CACNA1D: variants seen among roughly 807,000 people sequenced by gnomAD.
The protein encoded by CACNA1D is voltage-dependent L-type calcium channel subunit alpha-1D.
CACNA1D carries 55 observed loss-of-function variants against 257.1 expected under a neutral mutation model. That is an observed-to-expected ratio of 0.21 (90% CI 0.17 to 0.27). The LOEUF (loss-of-function observed/expected upper bound fraction) is 0.27. Among genes scored for constraint, CACNA1D ranks in the 10% least tolerant of loss-of-function variants. CACNA1D has a pLI of 1.00. For synonymous variants in CACNA1D, 980 were observed against 1,014.9 expected, an observed-to-expected ratio of 0.97 and a Z score of 0.65; for missense variants, 1,876 against 2,784.0, an observed-to-expected ratio of 0.67 and a Z score of 7.34.
chr3:53,657,564 T>G (rs2094160378), intron 4 of CACNA1D, among the ~76,000 whole-genome samples: 1 of 152,154 alleles, frequency 6.6e-6, no homozygotes, highest in Admixed American at 6.5e-5. Flanking sequence ...ATAAAGTGAT[T>G]TAAAATGCAA....
chr3:53,706,029 G>T (rs548250976), intron 9 of CACNA1D, among the ~76,000 whole-genome samples: 1 of 152,202 alleles, frequency 6.6e-6, no homozygotes. Flanking sequence ...CCAGTGTTAC[G>T]GTGTCTGCAT....
chr3:53,813,582 C>G lies in CACNA1D; in HGVS notation c.*2176C>G, dbSNP rs1254089056. 6.6e-6 allele frequency: 1 copy of G among 152,198 alleles called. No homozygotes were observed. Among genetic ancestry groups the G allele is most frequent in the Non-Finnish European group, 1.5e-5 (1 of 68,050 alleles). The allele number at this position is 152,198 out of a possible 1,614,324, so 9.4% of individuals were successfully genotyped here. A position where few individuals can be genotyped will look rare whatever the true frequency, so the allele number is the denominator to read the frequency against. On this transcript the variant is annotated 3_prime_UTR_variant, in exon 48 of 48. Transcript: ENST00000350061. Reference sequence around the variant, plus strand: ...TCACATCAGGCCAAAATTGCCAGACCAGGACCCTAAGTGTCTGATAGAGGC... The same window carrying G: ...TCACATCAGGCCAAAATTGCCAGACGAGGACCCTAAGTGTCTGATAGAGGC...
At chr3:53,686,217 A>G (rs560697762) in intron 8 of CACNA1D, among the ~76,000 whole-genome samples, 16 of 152,188 alleles carry the variant, frequency 1.1e-4, no homozygotes, top group African/African-American at 3.8e-4. Flanking sequence ...CGCAAACAGA[A>G]TCTTCTCTCA....
intron 7 of CACNA1D, among the ~76,000 whole-genome samples, chr3:53,670,707 G>A (rs2108395726): frequency 6.6e-6 from 1 of 152,314 alleles, no homozygotes; most frequent in East Asian, 1.9e-4. Flanking sequence ...CTGGGCACCA[G>A]ATGACACCCC....
At chr3:53,666,560 A>G in intron 7 of CACNA1D, 25 bp downstream of exon 7, 1 of 1,587,724 alleles carries the variant, frequency 6.3e-7, no homozygotes, top group African/African-American at 1.3e-5. Flanking sequence ...GAGAGAGTTT[A>G]TGGAGTGTTC....
chr3:53,723,657 C>T lies in CACNA1D; in HGVS notation c.1890C>T (p.Thr630=), dbSNP rs1037828618. The T allele has an allele frequency of 1.2e-6, 2 of 1,613,420 alleles. No individual in the cohort carries two copies. The highest frequency in any genetic ancestry group is 1.7e-5 in the Admixed American group (1 of 59,972). ...CVRLLRIFKV[T]RHWTSLSNLV... ...GCCTCTTAAGAATCTTCAAAGTGAC[C>T]AGGTAAGGAAATGTGGGTCCCACTG... The change falls in exon 13 of 48, where the codon ACC becomes ACT. Residue 630 remains threonine (T), a splice_region_variant and synonymous_variant. Coordinates refer to ENST00000350061, the MANE Select transcript of CACNA1D (RefSeq NM_001128840.3). The surrounding 1 kb of genome is among the most constrained non-coding windows in gnomAD (Gnocchi z 5.6).
intron 15 of CACNA1D, among the ~76,000 whole-genome samples, chr3:53,728,208 G>T (rs1018165704): frequency 6.6e-6 from 1 of 152,038 alleles, no homozygotes; most frequent in African/African-American, 2.4e-5. Context: ...GTGCAATCTC[G>T]GCTCACTGCA....
At chr3:53,669,841 G>A (rs954457797) in intron 7 of CACNA1D, among the ~76,000 whole-genome samples, 2 of 152,190 alleles carry the variant, frequency 1.3e-5, no homozygotes, top group Admixed American at 1.3e-4. Flanking sequence ...AGGGTGTAGG[G>A]CAGGGAAAGA....
At chr3:53,648,807 A>ACTGATG (rs1179360983) in intron 3 of CACNA1D, among the ~76,000 whole-genome samples, 9 of 149,444 alleles carry the variant, frequency 6.0e-5, no homozygotes, top group African/African-American at 2.0e-4. Context: ...TTATAAACAC[A>ACTGATG]CTGATGCTGG....
intron 30 of CACNA1D, 119 bp downstream of exon 30, chr3:53,762,200 T>G (rs1183319145): frequency 4.0e-6 from 3 of 751,626 alleles, no homozygotes; most frequent in Non-Finnish European, 4.9e-6. Flanking sequence ...TCACTTGATC[T>G]GAAACTAGGA....
At chr3:53,744,588 T>C in intron 22 of CACNA1D, 152 bp from the exon 23 acceptor site, 2 of 712,422 alleles carry the variant, frequency 2.8e-6, no homozygotes, top group Non-Finnish European at 2.6e-6. Flanking sequence ...AAGTCGCCTC[T>C]GAGTCGTGAA....
intron 38 of CACNA1D, among the ~76,000 whole-genome samples, chr3:53,780,986 G>A (rs9311515): frequency 0.011 from 1,728 of 152,348 alleles, 33 homozygotes; most frequent in African/African-American, 0.038. Context: ...TAACAGGGGC[G>A]CCTTGTAGCA....
chr3:53,538,921 C>T (rs991476528), intron 3 of CACNA1D, among the ~76,000 whole-genome samples: 5 of 152,132 alleles, frequency 3.3e-5, no homozygotes, highest in South Asian at 2.1e-4. Context: ...AGCAGAGCAC[C>T]GCAGGGGATC....
intron 3 of CACNA1D, among the ~76,000 whole-genome samples, chr3:53,527,883 T>C (rs935081463): frequency 6.6e-6 from 1 of 152,218 alleles, no homozygotes; most frequent in African/African-American, 2.4e-5. Context: ...GTCAAAAGCA[T>C]TGTACATGAT....
intron 20 of CACNA1D, among the ~76,000 whole-genome samples, chr3:53,736,036 G>A (rs138302294): frequency 1.4e-4 from 22 of 152,304 alleles, no homozygotes; most frequent in Admixed American, 3.9e-4. Context: ...TCAAGTTGAG[G>A]TGTTCAGTGG....
chr3:53,783,778 TC>T (rs1406039621), intron 39 of CACNA1D, among the ~76,000 whole-genome samples: 1 of 152,098 alleles, frequency 6.6e-6, no homozygotes, highest in Admixed American at 6.5e-5. Flanking sequence ...TAGGCCCATG[TC>T]CCCAACCTTT....
intron 3 of CACNA1D, among the ~76,000 whole-genome samples, chr3:53,647,629 C>T (rs186980765): frequency 1.3e-5 from 2 of 152,346 alleles, no homozygotes; most frequent in East Asian, 3.9e-4. Context: ...ACATTCTTTT[C>T]TCAAATGAAC....
chr3:53,551,483 G>A (rs1397214613), intron 3 of CACNA1D, among the ~76,000 whole-genome samples: 1 of 152,192 alleles, frequency 6.6e-6, no homozygotes. Context: ...CCCGACCTTC[G>A]TCTTGTACCC....
At chr3:53,768,065 A>G (rs1468509635) in intron 30 of CACNA1D, among the ~76,000 whole-genome samples, 2 of 152,242 alleles carry the variant, frequency 1.3e-5, no homozygotes, top group South Asian at 4.1e-4. Flanking sequence ...AGTTTCAAAG[A>G]TATCAGTTGA....
Sources: gnomAD v4.1 joint callset for allele counts (sites outside exome capture counted in the v4.1 genomes callset) on GRCh38, gnomAD v4.1.1 for gene constraint, Gnocchi (gnomAD v3.1) non-coding constraint, MANE v1.5 for transcripts, NCBI Gene and HGNC (gene_info 2026-07-23, HGNC 2026-07-21) for gene names.